SCRG1: variants seen among roughly 807,000 people sequenced by gnomAD.
SCRG1 encodes scrapie-responsive protein 1.
A neutral mutation model predicts 7.7 loss-of-function variants in SCRG1; 3 were observed. The ratio of observed to expected loss-of-function variants is 0.39; its 90% confidence interval spans 0.18 to 1.01. The LOEUF (loss-of-function observed/expected upper bound fraction) is 1.01. Ranked by LOEUF, SCRG1 falls within the 50% of genes least tolerant of loss-of-function variation. SCRG1 has a pLI of 0.36. For synonymous variants in SCRG1, 46 were observed against 41.2 expected, an observed-to-expected ratio of 1.12 and a Z score of -0.44; for missense variants, 110 against 117.2, an observed-to-expected ratio of 0.94 and a Z score of 0.28.
chr4:173,421,729 G>A, the SCRG1 span, among the ~76,000 whole-genome samples: 8 of 152,102 alleles, frequency 5.3e-5, no homozygotes, highest in Non-Finnish European at 1.0e-4. Flanking sequence ...ATTCTCTTAC[G>A]GGATGATGTA....
At chr4:173,485,626 T>G in the SCRG1 span, among the ~76,000 whole-genome samples, 1 of 152,128 alleles carries the variant, frequency 6.6e-6, no homozygotes, top group African/African-American at 2.4e-5. Context: ...TACATAGATT[T>G]TTATCTGATT....
chr4:173,458,410 A>G, the SCRG1 span, among the ~76,000 whole-genome samples: 1 of 152,238 alleles, frequency 6.6e-6, no homozygotes. Context: ...TAATTTTAAT[A>G]TTATATTTTA....
At chr4:173,417,741 C>T in the SCRG1 span, among the ~76,000 whole-genome samples, 7 of 152,118 alleles carry the variant, frequency 4.6e-5, no homozygotes, top group African/African-American at 1.7e-4. Flanking sequence ...AGCGATCCTC[C>T]CACCACCTCA....
the SCRG1 span, among the ~76,000 whole-genome samples, chr4:173,430,179 C>T: frequency 6.6e-6 from 1 of 152,086 alleles, no homozygotes; most frequent in African/African-American, 2.4e-5. Flanking sequence ...TATCTTCTCC[C>T]AGTAGGAGAC....
chr4:173,451,622 TTTAC>T, the SCRG1 span, among the ~76,000 whole-genome samples: 2 of 37,944 alleles, frequency 5.3e-5, no homozygotes, highest in African/African-American at 1.3e-4. Flanking sequence ...TTTATTTTAT[TTTAC>T]TTACTTATTT....
At chr4:173,436,603 T>C in the SCRG1 span, among the ~76,000 whole-genome samples, 1 of 152,206 alleles carries the variant, frequency 6.6e-6, no homozygotes, top group Non-Finnish European at 1.5e-5. Context: ...ACAATCGTTC[T>C]CTATGGGTTC....
At chr4:173,485,824 G>C in the SCRG1 span, among the ~76,000 whole-genome samples, 3 of 152,060 alleles carry the variant, frequency 2.0e-5, no homozygotes, top group South Asian at 6.2e-4. Flanking sequence ...ACAAAAATTA[G>C]CCAGGTGTGG....
At chr4:173,516,095 A>G in the SCRG1 span, among the ~76,000 whole-genome samples, 1 of 152,176 alleles carries the variant, frequency 6.6e-6, no homozygotes, top group African/African-American at 2.4e-5. Flanking sequence ...CTTTGCAGAC[A>G]GAATCGTCCT....
chr4:173,477,659 T>G, the SCRG1 span, among the ~76,000 whole-genome samples: 2 of 152,160 alleles, frequency 1.3e-5, no homozygotes, highest in African/African-American at 4.8e-5. Context: ...TGTTTTTGTT[T>G]TTCTTTAAAG....
At chr4:173,488,581 G>T in the SCRG1 span, among the ~76,000 whole-genome samples, 1 of 152,186 alleles carries the variant, frequency 6.6e-6, no homozygotes, top group African/African-American at 2.4e-5. Context: ...GGTATGGTCT[G>T]CAGAATCCAC....
chr4:173,426,185 GT>G, the SCRG1 span, among the ~76,000 whole-genome samples: 5 of 152,200 alleles, frequency 3.3e-5, no homozygotes, highest in Non-Finnish European at 7.3e-5. Context: ...TGGGCTTCCT[GT>G]TGTTTACCTT....
chr4:173,433,020 A>G, the SCRG1 span, among the ~76,000 whole-genome samples: 1 of 152,252 alleles, frequency 6.6e-6, no homozygotes, highest in Non-Finnish European at 1.5e-5. Flanking sequence ...AAAGCATGAA[A>G]AAAATAGAAT....
the SCRG1 span, among the ~76,000 whole-genome samples, chr4:173,460,098 T>C: frequency 6.6e-6 from 1 of 152,082 alleles, no homozygotes; most frequent in Non-Finnish European, 1.5e-5. Context: ...ACTATCTATA[T>C]AGAAAAAAAT....
In SCRG1 at chr4:173,388,252, A is replaced by C. The variant is rs1739298620; in HGVS notation, c.*89T>G. 1.2e-6 allele frequency: 1 copy of C among 822,862 alleles called. No homozygotes were observed. The highest frequency in any genetic ancestry group is 2.0e-6 in the Non-Finnish European group (1 of 504,670). 51.0% of individuals were successfully genotyped at this position (822,862 alleles called of 1,614,324 possible). On this transcript the variant is annotated 3_prime_UTR_variant, in exon 3 of 3. Transcript: ENST00000296506. ...ATTTATAGAATCTATGCTCTATTGC[A>C]CTATATAGAAACTAGAAATGCAGTT...
At chr4:173,416,058 C>T in the SCRG1 span, among the ~76,000 whole-genome samples, 5 of 152,204 alleles carry the variant, frequency 3.3e-5, no homozygotes, top group Non-Finnish European at 5.9e-5. Context: ...GGGCAGGGGC[C>T]GTGCAGTCTC....
At chr4:173,427,900 A>C in the SCRG1 span, among the ~76,000 whole-genome samples, 1 of 152,218 alleles carries the variant, frequency 6.6e-6, no homozygotes, top group African/African-American at 2.4e-5. Flanking sequence ...TACTTAGCAG[A>C]TATTATAGTT....
the SCRG1 span, among the ~76,000 whole-genome samples, chr4:173,476,363 A>AAT: frequency 0.33 from 32,272 of 98,764 alleles, 5,713 homozygotes; most frequent in South Asian, 0.54. Context: ...GGAAAAAAAA[A>AAT]ATATATATAT....
chr4:173,510,834 C>G, the SCRG1 span, among the ~76,000 whole-genome samples: 1 of 152,208 alleles, frequency 6.6e-6, no homozygotes. This position sits in a 1 kb window ranked among gnomAD's most constrained non-coding sequence, Gnocchi z 5.7. Context: ...GATCCACAAG[C>G]GCTTTTGATG....
chr4:173,508,943 G>T, the SCRG1 span, among the ~76,000 whole-genome samples: 1 of 152,184 alleles, frequency 6.6e-6, no homozygotes, highest in African/African-American at 2.4e-5. The surrounding 1 kb of genome is among the most constrained non-coding windows in gnomAD (Gnocchi z 4.4). Context: ...TTGCAGGGCC[G>T]GGTGCCGAGG....
Sources: gnomAD v4.1 joint callset for allele counts (sites outside exome capture counted in the v4.1 genomes callset) on GRCh38, gnomAD v4.1.1 for gene constraint, Gnocchi (gnomAD v3.1) non-coding constraint, MANE v1.5 for transcripts, NCBI Gene and HGNC (gene_info 2026-07-23, HGNC 2026-07-21) for gene names.